FBXL7: variants seen among roughly 807,000 people sequenced by gnomAD.
FBXL7 encodes F-box/LRR-repeat protein 7.
Under a neutral mutation model 38.3 loss-of-function variants are expected in FBXL7, and 12 were observed. The ratio of observed to expected loss-of-function variants is 0.31; its 90% CI spans 0.20 to 0.51. The LOEUF (loss-of-function observed/expected upper bound fraction) is 0.51. FBXL7 is among the 20% of genes least tolerant of loss of function. The probability of loss-of-function intolerance (pLI) is 0.98; values close to 1 mark genes in which losing one functional copy is unlikely to be tolerated. For missense variants in FBXL7, 567 were observed against 676.4 expected, an observed-to-expected ratio of 0.84 and a Z score of 1.79; for synonymous variants, 297 against 300.9, an observed-to-expected ratio of 0.99 and a Z score of 0.13.
At chr5:15,896,795 G>A (rs1318967365) in intron 2 of FBXL7, among the ~76,000 whole-genome samples, 1 of 151,932 alleles carries the variant, frequency 6.6e-6, no homozygotes, top group Non-Finnish European at 1.5e-5. Context: ...CCAACTTAAG[G>A]CATTAAGTCT....
rs143490421 is a variant in FBXL7, at chr5:15,928,518, C to G, written c.739+17C>G. 6.3e-7 allele frequency: 1 copy of G among 1,597,300 alleles called. No homozygotes were observed. The highest frequency in any genetic ancestry group is 8.5e-7 in the Non-Finnish European group (1 of 1,170,086). ...ATGTGTCAGGTAAATGGACACTGACCTACCAGCTATGGGCCCTCCTGGTGC... is the reference window on the plus strand; with the variant it reads ...ATGTGTCAGGTAAATGGACACTGACGTACCAGCTATGGGCCCTCCTGGTGC... On this transcript the variant is annotated intron_variant, in intron 3 of 3. Coordinates refer to ENST00000504595, the MANE Select transcript of FBXL7 (RefSeq NM_012304.5). The surrounding 1 kb of genome is among the most constrained non-coding windows in gnomAD (Gnocchi z 4.0).
At chr5:15,658,767 ATG>A (rs1741963422) in intron 2 of FBXL7, among the ~76,000 whole-genome samples, 1 of 152,126 alleles carries the variant, frequency 6.6e-6, no homozygotes, top group Non-Finnish European at 1.5e-5. Flanking sequence ...GATTTTCACG[ATG>A]CTTTTCCATA....
chr5:15,775,702 C>T (rs1736839873), intron 2 of FBXL7, among the ~76,000 whole-genome samples: 1 of 152,064 alleles, frequency 6.6e-6, no homozygotes, highest in East Asian at 1.9e-4. Flanking sequence ...TTCAATGAGG[C>T]ATGAGAATGG....
chr5:15,588,633 C>T (rs527918352), intron 1 of FBXL7, among the ~76,000 whole-genome samples: 1 of 152,238 alleles, frequency 6.6e-6, no homozygotes, highest in Non-Finnish European at 1.5e-5. Flanking sequence ...GGGATCTGCC[C>T]ACCTTGGCTT....
chr5:15,625,564 TA>T (rs2126533621), intron 2 of FBXL7, among the ~76,000 whole-genome samples: 1 of 152,152 alleles, frequency 6.6e-6, no homozygotes, highest in South Asian at 2.1e-4. Context: ...TGAGGCCCAG[TA>T]ATCCCTTGAA....
Position 15,918,037 on chromosome 5 carries a change from G to A in FBXL7, c.128-9853G>A, listed in dbSNP as rs369283365. Among the ~76,000 whole-genome samples, 420 of 152,080 alleles carry A rather than the reference G, an allele frequency of 2.8e-3. 3 individuals carry two copies. The highest frequency in any genetic ancestry group is 9.5e-3 in the African/African-American group (393 of 41,506). On this transcript the variant is annotated intron_variant, in intron 2 of 3. Transcript: ENST00000504595. ...GCAGATCACTTGAGGTCAGGAGTTC[G>A]AAGCCAGCCTGGCCAACATGGTGAA... is the stretch of plus-strand genomic sequence containing the variant.
intron 2 of FBXL7, among the ~76,000 whole-genome samples, chr5:15,772,491 G>A (rs1388951420): frequency 6.6e-6 from 1 of 152,176 alleles, no homozygotes; most frequent in African/African-American, 2.4e-5. Flanking sequence ...TCTCATCACT[G>A]AAAGGCACCA....
chr5:15,691,843 G>T (rs1457496687), intron 2 of FBXL7, among the ~76,000 whole-genome samples: 1 of 152,178 alleles, frequency 6.6e-6, no homozygotes, highest in Non-Finnish European at 1.5e-5. Flanking sequence ...AGTCTGGAAA[G>T]TCAATGGTAC....
intron 2 of FBXL7, among the ~76,000 whole-genome samples, chr5:15,681,474 G>A (rs1238307981): frequency 6.6e-6 from 1 of 152,192 alleles, no homozygotes; most frequent in Non-Finnish European, 1.5e-5. Flanking sequence ...TATGATTACA[G>A]ATTTGTCAAA....
intron 2 of FBXL7, among the ~76,000 whole-genome samples, chr5:15,895,120 G>T (rs1190415469): frequency 6.6e-6 from 1 of 152,108 alleles, no homozygotes; most frequent in Non-Finnish European, 1.5e-5. Flanking sequence ...TAATCTGTTA[G>T]GTTGGCACAA....
At chr5:15,913,930 C>T (rs561022507) in intron 2 of FBXL7, among the ~76,000 whole-genome samples, 2 of 151,746 alleles carry the variant, frequency 1.3e-5, no homozygotes, top group East Asian at 3.9e-4. Context: ...TGACTTAGTT[C>T]GGGGGTTGGG....
Position 15,937,021 on chromosome 5 carries a change from C to T in FBXL7, c.1311C>T (p.Ser437=), listed in dbSNP as rs1426232078. ...ACCTCAAGCGGCTCAGCCTCAAGTC[C>T]TGCGAGAGCATCACCGGCCAGGGCT... The part of the protein sequence containing the change: ...CFNLKRLSLK[S]CESITGQGLQ... Residue 437 remains serine (S), a synonymous_variant, in exon 4 of 4, where the codon TCC becomes TCT. Transcript: ENST00000504595. 4 of 1,613,924 alleles carry T rather than the reference C, an allele frequency of 2.5e-6. No individual in the cohort carries two copies. Among genetic ancestry groups the T allele is most frequent in the Non-Finnish European group, 3.4e-6 (4 of 1,179,906 alleles).
chr5:15,628,390 A>C (rs542152528), intron 2 of FBXL7, among the ~76,000 whole-genome samples: 12 of 152,300 alleles, frequency 7.9e-5, no homozygotes, highest in Non-Finnish European at 1.8e-4. Flanking sequence ...TGGAGCGAAG[A>C]TGTTTCCAGT....
intron 2 of FBXL7, among the ~76,000 whole-genome samples, chr5:15,810,092 GACA>G (rs753636493): frequency 6.6e-6 from 1 of 152,064 alleles, no homozygotes; most frequent in Admixed American, 6.6e-5. Context: ...AATAAAATCA[GACA>G]ACAATGATCC....
At chr5:15,893,176 T>C (rs1212106769) in intron 2 of FBXL7, among the ~76,000 whole-genome samples, 1 of 151,154 alleles carries the variant, frequency 6.6e-6, no homozygotes, top group Admixed American at 6.6e-5. Flanking sequence ...GCCTCTCAGC[T>C]GGGGAGAGGC....
At chr5:15,639,864 A>G (rs1179392856) in intron 2 of FBXL7, among the ~76,000 whole-genome samples, 4 of 152,080 alleles carry the variant, frequency 2.6e-5, no homozygotes, top group African/African-American at 9.7e-5. Context: ...GAACACAGAC[A>G]ATGCTGGGTT....
chr5:15,529,298 T>A (rs957624442), intron 1 of FBXL7, among the ~76,000 whole-genome samples: 4 of 152,210 alleles, frequency 2.6e-5, no homozygotes, highest in African/African-American at 9.7e-5. Context: ...TATGCCACAT[T>A]TTCTTTACTC....
intron 2 of FBXL7, among the ~76,000 whole-genome samples, chr5:15,814,549 T>C (rs566887603): frequency 6.6e-6 from 1 of 152,202 alleles, no homozygotes; most frequent in South Asian, 2.1e-4. Flanking sequence ...TCTACACATG[T>C]ATCCCAGAAC....
intron 2 of FBXL7, among the ~76,000 whole-genome samples, chr5:15,856,336 A>G (rs993220690): frequency 1.3e-5 from 2 of 152,062 alleles, no homozygotes; most frequent in African/African-American, 4.8e-5. Flanking sequence ...ACAATTCAAG[A>G]TGAGATTTGG....
Sources: gnomAD v4.1 joint callset for allele counts (sites outside exome capture counted in the v4.1 genomes callset) on GRCh38, gnomAD v4.1.1 for gene constraint, Gnocchi (gnomAD v3.1) non-coding constraint, MANE v1.5 for transcripts, NCBI Gene and HGNC (gene_info 2026-07-23, HGNC 2026-07-21) for gene names.